Variants in DNAH17 observed in about 807,000 individuals in gnomAD.
DNAH17 encodes the protein axonemal beta dynein heavy chain 17.
DNAH17 carries 376 observed loss-of-function variants against 485.6 expected under a neutral mutation model. The ratio of observed to expected loss-of-function variants is 0.77; its 90% CI spans 0.71 to 0.84. DNAH17 has a LOEUF of 0.84. DNAH17 is among the 40% of genes least tolerant of loss of function. DNAH17 has a pLI of 0.00. For missense variants in DNAH17, 6,370 were observed against 5,839.3 expected (o/e 1.09, Z -2.96); for synonymous variants, 3,031 against 2,405.9 (o/e 1.26, Z -7.60).
intron 38 of DNAH17, 56 bp downstream of exon 38, chr17:78,495,819 G>T: frequency 6.3e-7 from 1 of 1,575,112 alleles, no homozygotes; most frequent in South Asian, 1.2e-5. Context: ...GCACTGGGAC[G>T]TTGCTGTGGC....
Position 78,569,201 on chromosome 17 carries a change from T to C in DNAH17, c.1249A>G (p.Ile417Val). 6.2e-7 allele frequency: 1 copy of C among 1,608,690 alleles called. No individual in the cohort carries two copies. The highest frequency in any genetic ancestry group is 1.1e-5 in the South Asian group (1 of 89,714). Reference protein sequence around the residue: ...EFPSSLAFSRINSFFQRIQTI... With the variant: ...EFPSSLAFSRVNSFFQRIQTI... Reference sequence around the variant, plus strand: ...TGGATGCGCTGGAAGAAGGAATTTATCCTGGAAAAGGCAAGAGAAGAAGGG... The same window carrying C: ...TGGATGCGCTGGAAGAAGGAATTTACCCTGGAAAAGGCAAGAGAAGAAGGG... The change falls in exon 9 of 81, where the codon ATA becomes GTA. Residue 417 changes from isoleucine to valine, a missense_variant. Coordinates refer to ENST00000389840, the MANE Select transcript of DNAH17 (RefSeq NM_173628.4).
At chr17:78,534,394 C>CG (rs78855135) in intron 19 of DNAH17, among the ~76,000 whole-genome samples, 11,192 of 152,188 alleles carry the variant, frequency 0.074, 518 homozygotes, top group East Asian at 0.12. Context: ...AGGGCTGGGC[C>CG]GGGCCACCCT....
rs1385165108 is a variant in DNAH17, at chr17:78,526,892, G to A, written c.3612C>T (p.Cys1204=). The A allele has an allele frequency of 1.1e-5, 18 of 1,574,120 alleles. No individual in the cohort carries two copies. Among genetic ancestry groups the A allele is most frequent in the Non-Finnish European group, 1.6e-5 (18 of 1,159,458 alleles). ...ANEVSILRRK[C]QQFELKQHEF... is the part of the protein sequence containing the mutation. ...CCAGGTATAATACCTCGAATTGCTG[G>A]CATTTCCGCCGCAGGATGCTGACCT... The change falls in exon 23 of 81, where the codon TGC becomes TGT. Residue 1204 remains cysteine (C), a synonymous_variant. Transcript: ENST00000389840.
At chr17:78,499,796 TC>T (rs1171999418) in intron 36 of DNAH17, 3 of 153,572 alleles carry the variant, frequency 2.0e-5, no homozygotes, top group African/African-American at 7.2e-5. Context: ...CAGGGTTCCA[TC>T]CCCCTTGCCT....
intron 55 of DNAH17, among the ~76,000 whole-genome samples, 173 bp from the exon 56 acceptor site, chr17:78,466,989 G>A (rs773849143): frequency 7.9e-5 from 12 of 152,238 alleles, no homozygotes; most frequent in African/African-American, 1.4e-4. Flanking sequence ...CTGCATTGCC[G>A]TGGATAAATG....
intron 13 of DNAH17, among the ~76,000 whole-genome samples, chr17:78,558,491 ATGACATCACCCTCATGGG>A (rs1295338617): frequency 6.8e-6 from 1 of 147,808 alleles, no homozygotes; most frequent in Admixed American, 6.6e-5. Context: ...TCATGGGTGG[ATGACATCACCCTCATGGG>A]TGGATGACAT....
chr17:78,433,609 C>A (rs938248959), intron 75 of DNAH17, among the ~76,000 whole-genome samples: 2 of 152,162 alleles, frequency 1.3e-5, no homozygotes, highest in Non-Finnish European at 2.9e-5. Context: ...CTGACAGAGC[C>A]GTGGTGAGGC....
chr17:78,475,929 G>A lies in DNAH17; in HGVS notation c.8155-96C>T, dbSNP rs78331723. 1.3e-4 allele frequency: 184 copies of A among 1,391,984 alleles called. 1 individual carries two copies. In the East Asian group the frequency reaches 3.5e-3, roughly 26 times the overall value. 86.2% of individuals were successfully genotyped at this position (1,391,984 alleles called of 1,614,324 possible). On this transcript the variant is annotated intron_variant, in intron 52 of 80. Coordinates refer to ENST00000389840, the MANE Select transcript of DNAH17 (RefSeq NM_173628.4). ...TTCAGTACTTTGCCAAGGTGGCCTAGGAGGTCACCACGGGGTCCCAGGCCA... is the reference window on the plus strand; with the variant it reads ...TTCAGTACTTTGCCAAGGTGGCCTAAGAGGTCACCACGGGGTCCCAGGCCA...
At chr17:78,455,102 G>A (rs1030524083) in intron 63 of DNAH17, among the ~76,000 whole-genome samples, 1 of 152,174 alleles carries the variant, frequency 6.6e-6, no homozygotes, top group Non-Finnish European at 1.5e-5. Context: ...TAGAGACGAG[G>A]TTTCACCATG....
rs757083218 is a variant in DNAH17, at chr17:78,514,759, C to G, written c.4113+15G>C. ...GCCAGGGGCGGTCCCCTCCGCCCAC[C>G]ATGGTGCATGGTACCTGGGTGGCCT... On this transcript the variant is annotated intron_variant, in intron 26 of 80. Coordinates refer to ENST00000389840, the MANE Select transcript of DNAH17 (RefSeq NM_173628.4). 2.5e-6 allele frequency: 4 copies of G among 1,612,116 alleles called. No homozygotes were observed. Among genetic ancestry groups the G allele is most frequent in the Non-Finnish European group, 3.4e-6 (4 of 1,178,722 alleles).
At chr17:78,545,936 G>C (rs1471755606) in intron 16 of DNAH17, among the ~76,000 whole-genome samples, 1 of 151,868 alleles carries the variant, frequency 6.6e-6, no homozygotes, top group Non-Finnish European at 1.5e-5. Context: ...ATGTATGCAA[G>C]GATGTATATA....
chr17:78,521,893 G>A lies in DNAH17; in HGVS notation c.3864+3116C>T, dbSNP rs117179384. The stretch of plus-strand genomic sequence containing the variant: ...TCCCAGCTGCTCGGGAGGCTGAGGC[G>A]AGAGAATCCTTGAACCCAGGAGACA... On this transcript the variant is annotated intron_variant, in intron 25 of 80. Transcript: ENST00000389840. 6.4e-3 allele frequency among the ~76,000 whole-genome samples: 976 copies of A among 152,204 alleles called. 24 individuals carry two copies. The highest frequency in any genetic ancestry group is 0.046 in the East Asian group (239 of 5,174).
chr17:78,500,441 T>TG lies in DNAH17; in HGVS notation c.5503dup (p.Gln1835ProfsTer21). 5 of 1,595,992 alleles carry TG rather than the reference T, an allele frequency of 3.1e-6. No homozygotes were observed. Among genetic ancestry groups the TG allele is most frequent in the Non-Finnish European group, 4.3e-6 (5 of 1,173,802 alleles). On this transcript the variant is annotated frameshift_variant, in exon 36 of 81. Transcript: ENST00000389840. LOFTEE classifies it high-confidence loss of function. ...TCCACCCATGATGAGATGGAGGGAC[T>TG]GGGTCAGGGTGATATAGCACCTGCA...
chr17:78,541,296 G>GGGGTGGGTGGGGT (rs1555688488), intron 17 of DNAH17, among the ~76,000 whole-genome samples: 1 of 90,586 alleles, frequency 1.1e-5, no homozygotes, highest in African/African-American at 5.3e-5. Context: ...ATGGGTGGGT[G>GGGGTGGGTGGGGT]GGGTGGGTGG....
chr17:78,462,161 G>C (rs947533426), intron 57 of DNAH17, among the ~76,000 whole-genome samples: 37 of 151,458 alleles, frequency 2.4e-4, no homozygotes, highest in African/African-American at 9.0e-4. Flanking sequence ...GACAGAGCGA[G>C]ACTCTGTCTC....
rs956759761 is a variant in DNAH17 at position 78,505,517 on chromosome 17, G to A, written c.4804-72C>T. 19 of 1,598,794 alleles carry A rather than the reference G, an allele frequency of 1.2e-5. No individual in the cohort carries two copies. In the Admixed American group the frequency reaches 1.9e-4, roughly 16 times the overall value. On this transcript the variant is annotated intron_variant, in intron 30 of 80. Coordinates refer to ENST00000389840, the MANE Select transcript of DNAH17 (RefSeq NM_173628.4). ...GGCATGTGCGTGGCTTGGGCTTTCC[G>A]TGGGTGGTTTTAGGCATCGTTCTTT...
intron 11 of DNAH17, among the ~76,000 whole-genome samples, chr17:78,563,015 C>T (rs979505007): frequency 9.9e-5 from 15 of 152,200 alleles, no homozygotes; most frequent in African/African-American, 3.6e-4. Flanking sequence ...TTTCCCCAGA[C>T]TTGGGTCTGA....
chr17:78,553,283 G>GTTTTTTTTGT (rs2091945372), intron 14 of DNAH17, among the ~76,000 whole-genome samples: 1 of 51,018 alleles, frequency 2.0e-5, no homozygotes, highest in Non-Finnish European at 3.5e-5. Flanking sequence ...AGGTTTTTGT[G>GTTTTTTTTGT]TTTTTTTTTT....
chr17:78,573,615 GGTGA>G (rs147123535), intron 2 of DNAH17, among the ~76,000 whole-genome samples: 34,088 of 144,808 alleles, frequency 0.24, 4,451 homozygotes, highest in East Asian at 0.54. Context: ...AAAAAAAAGA[GGTGA>G]GTAATTAAAA....
Sources: allele counts gnomAD v4.1 joint callset (sites outside exome capture counted in the v4.1 genomes callset), GRCh38; gene constraint gnomAD v4.1.1; transcripts MANE v1.5; gene names NCBI Gene and HGNC (gene_info 2026-07-23, HGNC 2026-07-21).